Variants in CD177 observed in about 807,000 individuals in gnomAD.
CD177 encodes CD177 antigen.
A neutral mutation model predicts 38.1 loss-of-function variants in CD177; 41 were observed. The observed-to-expected ratio is 1.07, with a 90% CI of 0.84 to 1.39. The LOEUF is 1.39. Among genes scored for constraint, CD177 ranks in the 40% most tolerant of loss-of-function variants. CD177 has a pLI of 0.00. For missense variants in CD177, 619 were observed against 523.8 expected (o/e 1.18, Z -1.77); for synonymous variants, 236 against 216.7 (o/e 1.09, Z -0.78).
chr19:43,361,922 C>A (rs1403454685), intron 8 of CD177, among the ~76,000 whole-genome samples, 166 bp from the exon 9 acceptor site: 1 of 145,968 alleles, frequency 6.9e-6, no homozygotes, highest in Non-Finnish European at 1.5e-5. Flanking sequence ...ACTCCTGGGT[C>A]TGAGGGAGGA....
downstream of CD177, among the ~76,000 whole-genome samples, chr19:43,363,751 C>G (rs1168226763): frequency 6.6e-6 from 1 of 152,146 alleles, no homozygotes; most frequent in Non-Finnish European, 1.5e-5. Flanking sequence ...ACCGTTCACT[C>G]CCTTGCCCCT....
At chr19:43,354,048 C>T in intron 2 of CD177, 55 bp downstream of exon 2, 1 of 1,588,316 alleles carries the variant, frequency 6.3e-7, no homozygotes. Flanking sequence ...TCCCTTGATC[C>T]CTGTGCAGGG....
Position 43,354,377 on chromosome 19 carries a change from C to T in CD177, c.364C>T (p.Pro122Ser). The T allele has an allele frequency of 6.2e-7, 1 of 1,613,892 alleles. No individual in the cohort carries two copies. Among genetic ancestry groups the T allele is most frequent in the Non-Finnish European group, 8.5e-7 (1 of 1,179,880 alleles). ...CGTTAACTCCCTCCCGCTTTGGGCC[C>T]CACAGCCCCCAGCAGGTGCCTGCGG... Reference protein sequence around the residue: ...NLVNSLPLWAPQPPADPGSLR... With the variant: ...NLVNSLPLWASQPPADPGSLR... Residue 122 changes from proline (P) to serine (S), a missense_variant, in exon 3 of 9, where the codon CCA becomes TCA. Coordinates refer to ENST00000618265, the MANE Select transcript of CD177 (RefSeq NM_020406.4).
chr19:43,354,984 T>G (rs1461479202), intron 3 of CD177, among the ~76,000 whole-genome samples: 2 of 151,360 alleles, frequency 1.3e-5, no homozygotes, highest in Non-Finnish European at 2.9e-5. Context: ...AAGGCCAGAC[T>G]TTGTTGAAAG....
Position 43,361,481 on chromosome 19 carries a change from G to C in CD177, c.983G>C (p.Cys328Ser). 6.3e-7 allele frequency: 1 copy of C among 1,588,752 alleles called. No homozygotes were observed. The change falls in exon 8 of 9, where the codon TGT becomes TCT. Residue 328 changes from cysteine (C) to serine (S), a missense_variant. By Grantham distance (112) the Cys-to-Ser change is moderately radical. Coordinates refer to ENST00000618265, the MANE Select transcript of CD177 (RefSeq NM_020406.4). ...PVPGDRQCPT[C>S]VQPLGTCSSG... ...CCAGGAGACCGGCAGTGTCCTACCT[G>C]TGTGCAGCCCCTTGGAACCTGTTCA...
downstream of CD177, among the ~76,000 whole-genome samples, chr19:43,363,457 T>C (rs1970003048): frequency 6.6e-6 from 1 of 151,938 alleles, no homozygotes. Flanking sequence ...GAGAGAGATA[T>C]TCAGAGAGGG....
intron 8 of CD177, 43 bp downstream of exon 8, chr19:43,361,622 G>A (rs373682512): frequency 1.3e-6 from 2 of 1,546,286 alleles, no homozygotes; most frequent in African/African-American, 2.7e-5. Flanking sequence ...GGCACTGGTG[G>A]CCTGGACTCC....
At chr19:43,360,125 G>A in intron 5 of CD177, 140 bp from the exon 6 acceptor site, 1 of 1,016,240 alleles carries the variant, frequency 9.8e-7, no homozygotes, top group Non-Finnish European at 1.4e-6. Context: ...AGTCCCTTCT[G>A]AATCCTTGGT....
intron 6 of CD177, chr19:43,360,617 G>A (rs1232751187): frequency 3.5e-6 from 2 of 570,466 alleles, no homozygotes; most frequent in Admixed American, 3.1e-5. Flanking sequence ...CTGGGGAGGG[G>A]TGACCACGTA....
chr19:43,364,081 C>A (rs946895306), downstream of CD177, among the ~76,000 whole-genome samples: 1 of 152,270 alleles, frequency 6.6e-6, no homozygotes, highest in South Asian at 2.1e-4. Flanking sequence ...GACCCTGTCT[C>A]AAGGGGGAAA....
intron 3 of CD177, among the ~76,000 whole-genome samples, chr19:43,355,067 C>T (rs1599876088): frequency 7.5e-6 from 1 of 132,622 alleles, no homozygotes; most frequent in East Asian, 2.3e-4. Context: ...CACCCCCCAC[C>T]CCCACTTGCC....
Position 43,361,341 on chromosome 19 carries a change from G to A in CD177, c.946+13G>A. 6.3e-7 allele frequency: 1 copy of A among 1,577,874 alleles called. No individual in the cohort carries two copies. The highest frequency in any genetic ancestry group is 8.7e-7 in the Non-Finnish European group (1 of 1,151,420). On this transcript the variant is annotated intron_variant, in intron 7 of 8. Coordinates refer to ENST00000618265, the MANE Select transcript of CD177 (RefSeq NM_020406.4). ...CTCCCTCCTCAAGGTATGGGATCCA[G>A]GGCCGTGGAGAAATGAGGCCCAGAC... is the stretch of plus-strand genomic sequence containing the variant.
chr19:43,361,591 A>C lies in CD177; in HGVS notation c.1081+12A>C. The C allele has an allele frequency of 6.4e-7, 1 of 1,554,806 alleles. No individual in the cohort carries two copies. Among genetic ancestry groups the C allele is most frequent in the Middle Eastern group, 1.7e-4 (1 of 5,968 alleles). ...TCATCTCTCAGGAGGTGAGTGCTGC[A>C]AGCAGGGCCCCAAGGATGAAGGCAC... On this transcript the variant is annotated intron_variant, in intron 8 of 8. Coordinates refer to ENST00000618265, the MANE Select transcript of CD177 (RefSeq NM_020406.4).
rs753452047 is a variant in CD177, at chr19:43,355,695, T to C, written c.414T>C (p.Ser138=). 1 of 1,613,042 alleles carries C rather than the reference T, an allele frequency of 6.2e-7. No individual in the cohort carries two copies. Among genetic ancestry groups the C allele is most frequent in the African/African-American group, 1.3e-5 (1 of 74,880 alleles). ...CCTTGAGGTGCCCAGTCTGCTTGTC[T>C]ATGGAAGGCTGTCTGGAGGGGACAA... ...PGSLRCPVCL[S]MEGCLEGTTE... Residue 138 remains serine (S), a synonymous_variant, in exon 4 of 9, where the codon TCT becomes TCC. Coordinates refer to ENST00000618265, the MANE Select transcript of CD177 (RefSeq NM_020406.4).
At position 43,359,848 on chromosome 19, in the gene CD177, G is replaced by A. The variant is rs1346269171; in HGVS notation, c.620-417G>A. On this transcript the variant is annotated intron_variant, in intron 5 of 8. Coordinates refer to ENST00000618265, the MANE Select transcript of CD177 (RefSeq NM_020406.4). ...AGGCAGTGCTCAGCGGCAGTGCTCA[G>A]CCCACCCTGGCCCTTCGCATCTTGT... 3.9e-5 allele frequency among the ~76,000 whole-genome samples: 5 copies of A among 128,722 alleles called. No individual in the cohort carries two copies. The East Asian group carries it at 1.2e-3, about 30-fold the overall frequency. 84.4% of individuals were successfully genotyped at this position (128,722 alleles called of 152,430 possible).
downstream of CD177, among the ~76,000 whole-genome samples, chr19:43,363,818 T>G (rs572465497): frequency 7.9e-5 from 12 of 152,314 alleles, no homozygotes; most frequent in East Asian, 2.3e-3. Flanking sequence ...ACGGGCTCGG[T>G]GGCTCACGCC....
In CD177 at chr19:43,355,776, C is replaced by T; in HGVS notation, c.495C>T (p.Leu165=). The change falls in exon 4 of 9, where the codon CTC becomes CTT. Residue 165 remains leucine (L), a synonymous_variant. Coordinates refer to ENST00000618265, the MANE Select transcript of CD177 (RefSeq NM_020406.4). ...ACTGTTATGATGGCCTCCTCAGGCT[C>T]AGGGGAGGTAAGCCTGGGACATCGG... The part of the protein sequence containing the change: ...TTHCYDGLLR[L]RGGGIFSNLR... 6.2e-7 allele frequency: 1 copy of T among 1,613,062 alleles called. No individual in the cohort carries two copies. The highest frequency in any genetic ancestry group is 8.5e-7 in the Non-Finnish European group (1 of 1,179,506).
chr19:43,355,603 A>G (rs772979955), intron 3 of CD177, 58 bp from the exon 4 acceptor site: 2 of 1,605,654 alleles, frequency 1.2e-6, no homozygotes, highest in Non-Finnish European at 1.7e-6. Context: ...CAGAGAAGGT[A>G]TCTGATCAAA....
At chr19:43,355,151 T>C (rs1969908053) in intron 3 of CD177, among the ~76,000 whole-genome samples, 2 of 139,120 alleles carry the variant, frequency 1.4e-5, no homozygotes, top group South Asian at 5.1e-4. Flanking sequence ...TCTCGCTGTG[T>C]CGACCAGGCT....
Sources: gnomAD v4.1 joint callset for allele counts (sites outside exome capture counted in the v4.1 genomes callset) on GRCh38, gnomAD v4.1.1 for gene constraint, MANE v1.5 for transcripts, NCBI Gene and HGNC (gene_info 2026-07-23, HGNC 2026-07-21) for gene names.